The following MATN2 variants were observed in gnomAD, a reference collection of about 807,000 sequenced individuals.
The protein encoded by MATN2 is matrilin 2, also known as matrilin-2.
Under a neutral mutation model 103.2 loss-of-function variants are expected in MATN2, and 69 were observed. The observed-to-expected ratio is 0.67, with a 90% confidence interval of 0.55 to 0.82. MATN2 has a LOEUF of 0.82. Among genes scored for constraint, MATN2 ranks in the 40% least tolerant of loss-of-function variants. The pLI is 0.00. For synonymous variants in MATN2, 429 were observed against 450.2 expected, an observed-to-expected ratio of 0.95 and a Z score of 0.60; for missense variants, 1,023 against 1,211.5, an observed-to-expected ratio of 0.84 and a Z score of 2.31.
At chr8:97,885,783 AGT>A (rs1818401839) in intron 1 of MATN2, among the ~76,000 whole-genome samples, 1 of 152,122 alleles carries the variant, frequency 6.6e-6, no homozygotes, top group Non-Finnish European at 1.5e-5. Context: ...TGGGTGAGAG[AGT>A]GAGACCCTGT....
At chr8:97,890,117 G>A (rs1818578382) in intron 2 of MATN2, among the ~76,000 whole-genome samples, 2 of 152,142 alleles carry the variant, frequency 1.3e-5, no homozygotes, top group Non-Finnish European at 2.9e-5. Flanking sequence ...TTTTCACTCC[G>A]TGAGCTGTGC....
intron 4 of MATN2, 151 bp from the exon 5 acceptor site, chr8:97,961,257 A>T: frequency 1.4e-6 from 1 of 739,798 alleles, no homozygotes; most frequent in East Asian, 3.0e-5. Flanking sequence ...TATGTTTTCC[A>T]AATTTTCTAC....
chr8:97,991,269 CA>C (rs1812379769), intron 6 of MATN2, among the ~76,000 whole-genome samples: 1 of 152,170 alleles, frequency 6.6e-6, no homozygotes, highest in South Asian at 2.1e-4. Flanking sequence ...TTGTTAGAGA[CA>C]GGCTCTTGCT....
chr8:97,994,369 T>G, intron 6 of MATN2, 111 bp from the exon 7 acceptor site: 2 of 1,164,694 alleles, frequency 1.7e-6, no homozygotes, highest in Non-Finnish European at 2.4e-6. Context: ...TGTGACTCTT[T>G]GAGGTGTGGG....
rs1345679185 is a variant in MATN2, at chr8:97,931,554, G to A, written c.712+32G>A. ...CCTGCTCCTTTGTCACTCTTCTAGA[G>A]GAACCACTAGAATTCATTCATTCAT... On this transcript the variant is annotated intron_variant, in intron 3 of 18. Transcript: ENST00000254898. This position sits in a 1 kb window ranked among gnomAD's most constrained non-coding sequence, Gnocchi z 4.1. 1.3e-6 allele frequency: 2 copies of A among 1,539,110 alleles called. No homozygotes were observed. The highest frequency in any genetic ancestry group is 3.8e-5 in the Admixed American group (2 of 52,722).
chr8:98,025,890 G>A (rs1055179757), intron 13 of MATN2, among the ~76,000 whole-genome samples: 1 of 151,946 alleles, frequency 6.6e-6, no homozygotes, highest in African/African-American at 2.4e-5. Context: ...ATTAATAGTT[G>A]CCTGAGACCA....
chr8:97,886,172 T>A (rs4319057), intron 1 of MATN2, among the ~76,000 whole-genome samples: 1 of 152,000 alleles, frequency 6.6e-6, no homozygotes, highest in African/African-American at 2.4e-5. Context: ...CTCCCGTCAC[T>A]CCCAGATGAG....
chr8:97,875,592 A>G (rs537239185), intron 1 of MATN2, among the ~76,000 whole-genome samples: 2 of 146,542 alleles, frequency 1.4e-5, no homozygotes, highest in East Asian at 2.0e-4. Context: ...GGCAACTACT[A>G]TTTTACCTTC....
intron 4 of MATN2, among the ~76,000 whole-genome samples, chr8:97,948,114 C>T (rs74436043): frequency 1.3e-5 from 2 of 152,250 alleles, no homozygotes; most frequent in African/African-American, 4.8e-5. Flanking sequence ...AAATCTCCAA[C>T]AAGAAGTACA....
intron 3 of MATN2, among the ~76,000 whole-genome samples, chr8:97,932,016 T>C (rs1332309727): frequency 6.6e-6 from 1 of 152,186 alleles, no homozygotes; most frequent in African/African-American, 2.4e-5. Flanking sequence ...ATTAAATATA[T>C]AATTATACAA....
intron 1 of MATN2, among the ~76,000 whole-genome samples, chr8:97,885,883 C>G (rs1044573287): frequency 2.0e-5 from 3 of 152,186 alleles, no homozygotes; most frequent in Admixed American, 1.3e-4. Context: ...CCAACCCCCA[C>G]CCGGAATTAG....
chr8:98,024,995 G>C lies in MATN2; in HGVS notation c.1943-2421G>C, dbSNP rs537768326. The C allele has an allele frequency of 1.5e-3, 232 of 152,294 alleles. 1 individual carries two copies. The highest frequency in any genetic ancestry group is 5.4e-3 in the African/African-American group (223 of 41,558). The allele number at this position is 152,294 out of a possible 1,614,324, so 9.4% of individuals were successfully genotyped here. The stretch of plus-strand genomic sequence containing the variant: ...CATTCTATGTGTGGGGGTTGCAAGT[G>C]CTAGTTTTGTTCTGTAAGAAAAATG... On this transcript the variant is annotated intron_variant, in intron 13 of 18. Coordinates refer to ENST00000254898, the MANE Select transcript of MATN2 (RefSeq NM_002380.5).
intron 4 of MATN2, among the ~76,000 whole-genome samples, chr8:97,942,983 G>A (rs1486735010): frequency 3.3e-5 from 5 of 152,002 alleles, no homozygotes; most frequent in East Asian, 1.9e-4. Context: ...ACTCTGAATC[G>A]CAGGGGTGGG....
At chr8:97,953,420 C>T (rs372716489) in intron 4 of MATN2, among the ~76,000 whole-genome samples, 4 of 152,306 alleles carry the variant, frequency 2.6e-5, no homozygotes, top group East Asian at 1.9e-4. Context: ...GCGGGTAGAT[C>T]GCTTGAGCTC....
In MATN2 at chr8:98,016,486, T is replaced by C. The variant is rs539087631; in HGVS notation, c.1574-54T>C. The C allele has an allele frequency of 2.4e-5, 36 of 1,524,892 alleles. No homozygotes were observed. In the East Asian group the frequency reaches 5.6e-4, roughly 24 times the overall value. 94.5% of individuals were successfully genotyped at this position (1,524,892 alleles called of 1,614,324 possible). A position where few individuals can be genotyped will look rare whatever the true frequency, so the allele number is the denominator to read the frequency against. ...TGTCTTTTATGATTGAATAAGCCACTAATATATGAGTCATTTTCTTCTTCT... is the reference window on the plus strand; with the variant it reads ...TGTCTTTTATGATTGAATAAGCCACCAATATATGAGTCATTTTCTTCTTCT... On this transcript the variant is annotated intron_variant, in intron 10 of 18. Transcript: ENST00000254898.
intron 1 of MATN2, among the ~76,000 whole-genome samples, chr8:97,870,290 G>A (rs1250558113): frequency 6.6e-6 from 1 of 152,150 alleles, no homozygotes; most frequent in African/African-American, 2.4e-5. Context: ...AAGCCGGGGC[G>A]GGCGGATCAC....
intron 6 of MATN2, among the ~76,000 whole-genome samples, chr8:97,993,928 A>C (rs995474216): frequency 6.6e-6 from 1 of 152,112 alleles, no homozygotes; most frequent in African/African-American, 2.4e-5. Context: ...CAAGACAAGG[A>C]AAGCATGTTC....
chr8:97,902,451 C>T (rs1219988121), intron 2 of MATN2, among the ~76,000 whole-genome samples: 8 of 148,832 alleles, frequency 5.4e-5, no homozygotes, highest in Non-Finnish European at 1.5e-5. Flanking sequence ...GAGCCGAGAT[C>T]GCACCATTGC....
At chr8:97,970,410 T>C (rs1426500854) in intron 5 of MATN2, among the ~76,000 whole-genome samples, 3 of 152,202 alleles carry the variant, frequency 2.0e-5, no homozygotes, top group African/African-American at 7.2e-5. Context: ...TCCTGCCTCC[T>C]ACCTCACAGC....
Sources: allele counts gnomAD v4.1 joint callset (sites outside exome capture counted in the v4.1 genomes callset), GRCh38; gene constraint gnomAD v4.1.1; non-coding constraint Gnocchi (gnomAD v3.1); transcripts MANE v1.5; gene names NCBI Gene and HGNC (gene_info 2026-07-23, HGNC 2026-07-21).